Variants in GPHN observed in about 807,000 individuals in gnomAD.
The protein encoded by GPHN is gephyrin.
Under a neutral mutation model 95.5 loss-of-function variants are expected in GPHN, and 17 were observed. The observed-to-expected ratio is 0.18, with a 90% CI of 0.12 to 0.27. The LOEUF (loss-of-function observed/expected upper bound fraction) is 0.27, where lower values mean the gene tolerates loss of function less well. Among genes scored for constraint, GPHN ranks in the 10% least tolerant of loss-of-function variants. The pLI, the probability that GPHN is intolerant of heterozygous loss-of-function variation, is 1.00. For synonymous variants in GPHN, 320 were observed against 322.5 expected (o/e 0.99, Z 0.08); for missense variants, 660 against 978.1 (o/e 0.67, Z 4.34).
chr14:67,342,713 T>C, the GPHN span, among the ~76,000 whole-genome samples: 1 of 150,780 alleles, frequency 6.6e-6, no homozygotes, highest in Non-Finnish European at 1.5e-5. Flanking sequence ...TCTAACAATA[T>C]AGTTAATATA....
chr14:67,088,130 A>T lies in GPHN; in HGVS notation c.1145-853A>T, dbSNP rs138894599. On this transcript the variant is annotated intron_variant, in intron 11 of 22. Coordinates refer to ENST00000478722, the MANE Select transcript of GPHN (RefSeq NM_020806.5). ...AAGCCAAAATCAAAGGCTAAAACTC[A>T]AATGGAATGACTGGGATATTCCTTC... 4.3e-3 allele frequency among the ~76,000 whole-genome samples: 656 copies of T among 152,282 alleles called. 3 individuals are homozygous for T. Among genetic ancestry groups the T allele is most frequent in the African/African-American group, 0.015 (615 of 41,562 alleles).
chr14:67,352,848 A>G, the GPHN span: 38 of 838,876 alleles, frequency 4.5e-5, no homozygotes, highest in Non-Finnish European at 6.3e-5. Flanking sequence ...AAATAACAAC[A>G]ACAAAAAAAA....
chr14:66,604,970 G>C (rs1424463040), intron 1 of GPHN, among the ~76,000 whole-genome samples: 2 of 150,858 alleles, frequency 1.3e-5, no homozygotes, highest in Non-Finnish European at 2.9e-5. Flanking sequence ...TTGGTTTTCT[G>C]TTCCTGTGTT....
chr14:67,047,500 G>A (rs903472905), intron 10 of GPHN, among the ~76,000 whole-genome samples: 3 of 151,584 alleles, frequency 2.0e-5, no homozygotes, highest in Non-Finnish European at 4.4e-5. Context: ...TGAGTAGCTG[G>A]GACTACAGGC....
intron 1 of GPHN, among the ~76,000 whole-genome samples, chr14:66,661,981 A>C (rs1266719194): frequency 6.6e-6 from 1 of 151,864 alleles, no homozygotes; most frequent in Non-Finnish European, 1.5e-5. Flanking sequence ...TCCTCCAGTC[A>C]CTCCCATGGA....
the GPHN span, among the ~76,000 whole-genome samples, chr14:67,268,671 A>C: frequency 7.9e-5 from 12 of 152,216 alleles, no homozygotes; most frequent in South Asian, 2.1e-4. Flanking sequence ...ATGCTAACGC[A>C]TTATAATTAG....
At chr14:67,390,610 T>TA in the GPHN span, 9 of 1,216,936 alleles carry the variant, frequency 7.4e-6, no homozygotes, top group African/African-American at 1.3e-4. Flanking sequence ...AGGAGAGGAG[T>TA]GTCTGGGGGC....
rs539709479 is a variant in GPHN, at chr14:66,578,184, A to G, written c.64+69593A>G. Among the ~76,000 whole-genome samples, 9 of 151,660 alleles carry G rather than the reference A, an allele frequency of 5.9e-5. No individual in the cohort carries two copies. In the South Asian group the frequency reaches 1.9e-3, roughly 32 times the overall value. On this transcript the variant is annotated intron_variant, in intron 1 of 22. Transcript: ENST00000478722. ...AAATATGGCTGAACCGAAGATATCT[A>G]TAGAGAGCTTCAACATAAGATTTGA...
At chr14:67,242,683 GCTTT>G in the GPHN span, among the ~76,000 whole-genome samples, 7,318 of 151,700 alleles carry the variant, frequency 0.048, 191 homozygotes, top group Middle Eastern at 0.054. Flanking sequence ...GGTTTTATAG[GCTTT>G]CTATTTGCGG....
At chr14:67,332,702 C>A in the GPHN span, 1 of 1,428,966 alleles carries the variant, frequency 7.0e-7, no homozygotes, top group Non-Finnish European at 9.5e-7. Flanking sequence ...GCTCCTTGTT[C>A]TTTGGCCATC....
At chr14:66,516,105 CA>C (rs2058234099) in intron 1 of GPHN, among the ~76,000 whole-genome samples, 1 of 151,472 alleles carries the variant, frequency 6.6e-6, no homozygotes, top group Admixed American at 6.6e-5. Flanking sequence ...CTCCCGGGTT[CA>C]AGTGATTCTC....
chr14:67,102,237 C>A (rs1268636143), intron 13 of GPHN, among the ~76,000 whole-genome samples: 1 of 152,120 alleles, frequency 6.6e-6, no homozygotes, highest in African/African-American at 2.4e-5. Flanking sequence ...GGTTGATCAA[C>A]AGAGCTCCTA....
chr14:66,957,616 A>G (rs2068614836), intron 8 of GPHN, among the ~76,000 whole-genome samples: 1 of 152,162 alleles, frequency 6.6e-6, no homozygotes. Flanking sequence ...TATATATGGT[A>G]TATCCTCATG....
At chr14:67,548,259 A>C in the GPHN span, among the ~76,000 whole-genome samples, 1 of 152,250 alleles carries the variant, frequency 6.6e-6, no homozygotes. Flanking sequence ...CCTATCAGAA[A>C]AGTGGGAGCA....
chr14:66,740,475 C>G (rs1295687309), intron 2 of GPHN, among the ~76,000 whole-genome samples: 1 of 151,254 alleles, frequency 6.6e-6, no homozygotes, highest in Admixed American at 6.6e-5. Context: ...ACTAGGGATA[C>G]AGGTACTTTA....
At chr14:67,098,586 G>T (rs2077523378) in intron 12 of GPHN, among the ~76,000 whole-genome samples, 1 of 152,102 alleles carries the variant, frequency 6.6e-6, no homozygotes, top group Non-Finnish European at 1.5e-5. Flanking sequence ...GAGGCAGGCG[G>T]ATCACCTGAG....
At chr14:67,693,621 T>TA in the GPHN span, among the ~76,000 whole-genome samples, 39 of 151,660 alleles carry the variant, frequency 2.6e-4, no homozygotes, top group Admixed American at 1.4e-3. Flanking sequence ...TTTGTGTAAT[T>TA]AGAGTCCTTG....
chr14:66,680,518 T>C (rs2066877646), intron 1 of GPHN, among the ~76,000 whole-genome samples: 1 of 152,226 alleles, frequency 6.6e-6, no homozygotes, highest in African/African-American at 2.4e-5. Flanking sequence ...TTGGACTTCA[T>C]CAGATTCCAG....
chr14:67,256,075 A>C, the GPHN span, among the ~76,000 whole-genome samples: 3 of 149,740 alleles, frequency 2.0e-5, no homozygotes, highest in Non-Finnish European at 2.9e-5. Flanking sequence ...TTTTTCCTCA[A>C]ATTATAAAAG....
Sources: gnomAD v4.1 joint callset for allele counts (sites outside exome capture counted in the v4.1 genomes callset) on GRCh38, gnomAD v4.1.1 for gene constraint, MANE v1.5 for transcripts, NCBI Gene and HGNC (gene_info 2026-07-23, HGNC 2026-07-21) for gene names.